Variants in CLEC18B observed in about 807,000 individuals in gnomAD.
CLEC18B encodes C-type lectin domain family 18 member B.
In CLEC18B, 5 loss-of-function variants were observed where a neutral mutation model predicts 60.4. That is an observed-to-expected ratio of 0.08 (90% CI 0.04 to 0.17). The LOEUF (loss-of-function observed/expected upper bound fraction) is 0.17. Ranked by LOEUF, CLEC18B falls within the 10% of genes least tolerant of loss-of-function variation. The probability of loss-of-function intolerance (pLI) is 1.00; values close to 1 mark genes in which losing one functional copy is unlikely to be tolerated. For synonymous variants in CLEC18B, 16 were observed against 221.2 expected, an observed-to-expected ratio of 0.07 and a Z score of 8.23; for missense variants, 26 against 572.8, an observed-to-expected ratio of 0.05 and a Z score of 9.74.
chr16:74,416,242 G>A (rs550007491), intron 3 of CLEC18B, among the ~76,000 whole-genome samples: 2 of 141,458 alleles, frequency 1.4e-5, no homozygotes, highest in African/African-American at 2.5e-5. Flanking sequence ...CAGCCTGCGC[G>A]ACAGAGCGAG....
upstream of CLEC18B, among the ~76,000 whole-genome samples, chr16:74,423,986 G>A (rs1194535185): frequency 7.9e-5 from 12 of 152,216 alleles, no homozygotes; most frequent in African/African-American, 2.9e-4. Context: ...GGGTGGGTTT[G>A]GAGAATGGGC....
At chr16:74,413,838 G>T (rs2013299951) in intron 3 of CLEC18B, among the ~76,000 whole-genome samples, 162 bp from the exon 4 acceptor site, 1 of 134,670 alleles carries the variant, frequency 7.4e-6, no homozygotes, top group African/African-American at 2.7e-5. Flanking sequence ...GGTGGGAATA[G>T]TTCAGGAAGG....
At chr16:74,414,468 C>T (rs1452200796) in intron 3 of CLEC18B, among the ~76,000 whole-genome samples, 1 of 150,282 alleles carries the variant, frequency 6.7e-6, no homozygotes, top group African/African-American at 2.5e-5. Context: ...CGATTTTGAA[C>T]CTAGGCCTTA....
At chr16:74,410,354 T>A (rs1670051668) in intron 10 of CLEC18B, among the ~76,000 whole-genome samples, 182 bp downstream of exon 10, 1 of 152,112 alleles carries the variant, frequency 6.6e-6, no homozygotes, top group Non-Finnish European at 1.5e-5. Flanking sequence ...CCTTCCGGCT[T>A]GCATCTCCCT....
At chr16:74,423,932 C>T (rs2013758866), upstream of CLEC18B, among the ~76,000 whole-genome samples, 1 of 152,218 alleles carries the variant, frequency 6.6e-6, no homozygotes, top group Admixed American at 6.6e-5. Context: ...CCATGGTACT[C>T]CCTCCTGGGT....
In CLEC18B at chr16:74,417,116, T is replaced by C. The variant is rs1198261159; in HGVS notation, c.456+943A>G. Reference sequence around the variant, plus strand: ...CCTATCTCTACTAAAAATACAAAAATTAGTGGGGTGTGGTGGCTCGTGCCT... The same window carrying C: ...CCTATCTCTACTAAAAATACAAAAACTAGTGGGGTGTGGTGGCTCGTGCCT... On this transcript the variant is annotated intron_variant, in intron 3 of 11. Transcript: ENST00000682950. Among the ~76,000 whole-genome samples, 10 of 145,688 alleles carry C rather than the reference T, an allele frequency of 6.9e-5. No individual in the cohort carries two copies. The East Asian group carries it at 2.5e-3, about 36-fold the overall frequency.
At chr16:74,422,349 G>A (rs573392975), upstream of CLEC18B, 5 of 152,424 alleles carry the variant, frequency 3.3e-5, no homozygotes, top group East Asian at 7.7e-4. Flanking sequence ...AACCAACTAC[G>A]TCCTCCTTCT....
intron 10 of CLEC18B, among the ~76,000 whole-genome samples, chr16:74,410,334 A>AT (rs1183754905): frequency 9.2e-5 from 14 of 152,204 alleles, no homozygotes; most frequent in African/African-American, 3.4e-4. Context: ...TCTCTCCCCC[A>AT]CGTGACGTGC....
upstream of CLEC18B, among the ~76,000 whole-genome samples, chr16:74,423,864 C>T (rs560410509): frequency 9.9e-3 from 1,500 of 151,566 alleles, no homozygotes; most frequent in Non-Finnish European, 0.016. Flanking sequence ...TATCCAATGG[C>T]GTAGAGCTGG....
chr16:74,416,185 C>T (rs548580522), intron 3 of CLEC18B, among the ~76,000 whole-genome samples: 1 of 149,848 alleles, frequency 6.7e-6, no homozygotes, highest in East Asian at 2.1e-4. Flanking sequence ...ATGGTGTGAA[C>T]CCAGGAGGCG....
Position 74,411,032 on chromosome 16 carries a change from C to T in CLEC18B, c.987G>A (p.Arg329=). The T allele has an allele frequency of 6.2e-7, 1 of 1,600,350 alleles. No individual in the cohort carries two copies. The highest frequency in any genetic ancestry group is 8.6e-7 in the Non-Finnish European group (1 of 1,169,472). ...TGATCTGGGCCAGCACCCCGCCTTT[C>T]CTCTGTAACCCCACCCTGGGTCACA... ...TYYRARMKCQ[R]KGGVLAQIKS... Residue 329 remains arginine, a splice_region_variant and synonymous_variant, in exon 9 of 12, where the codon AGG becomes AGA. Coordinates refer to ENST00000682950, the MANE Select transcript of CLEC18B (RefSeq NM_001385193.1).
rs372004439 is a variant in CLEC18B at position 74,412,932 on chromosome 16, G to A, written c.677-52C>T. On this transcript the variant is annotated intron_variant, in intron 5 of 11. Transcript: ENST00000682950. ...GAAAAGGGTCGCCTCCCAGCAGGCC[G>A]GGCAGGACCTCCCTGGGTGCTAAGG... 2.4e-4 allele frequency: 384 copies of A among 1,611,556 alleles called. No individual in the cohort carries two copies. In the African/African-American group the frequency reaches 3.0e-3, roughly 12 times the overall value.
In CLEC18B at chr16:74,413,494, G is replaced by A. The variant is rs1373145841; in HGVS notation, c.554+85C>T. The A allele has an allele frequency of 5.0e-6, 8 of 1,598,092 alleles. No individual in the cohort carries two copies. In the Admixed American group the frequency reaches 1.0e-4, roughly 20 times the overall value. On this transcript the variant is annotated intron_variant, in intron 4 of 11. Transcript: ENST00000682950. ...CAAGGCATCAGGGACTCTACTTTCG[G>A]GTGGATGTGTGGGAATCTCACCCTC...
chr16:74,409,581 G>A lies in CLEC18B; in HGVS notation c.1272C>T (p.Cys424=). 6.2e-7 allele frequency: 1 copy of A among 1,613,916 alleles called. No individual in the cohort carries two copies. Residue 424 remains cysteine (C), a synonymous_variant, in exon 11 of 12, where the codon TGC becomes TGT. Transcript: ENST00000682950. ...GGCAGATGTAACGGTTTCGGGTTTTGCAGCGCTGGTCGTTCCAGTTGAAGG... is the reference window on the plus strand; with the variant it reads ...GGCAGATGTAACGGTTTCGGGTTTTACAGCGCTGGTCGTTCCAGTTGAAGG... ...SAAFNWNDQR[C]KTRNRYICQF... is the part of the protein sequence containing the mutation.
At chr16:74,419,056 G>A (rs2013553854) in intron 2 of CLEC18B, among the ~76,000 whole-genome samples, 1 of 152,238 alleles carries the variant, frequency 6.6e-6, no homozygotes, top group Non-Finnish European at 1.5e-5. Context: ...CAGCCTCCCA[G>A]AGTGCTGGGA....
chr16:74,419,220 G>C (rs1429405893), intron 2 of CLEC18B, among the ~76,000 whole-genome samples: 2 of 152,394 alleles, frequency 1.3e-5, no homozygotes, highest in South Asian at 2.1e-4. Flanking sequence ...TGCAGGATAG[G>C]ACTCACAAGC....
intron 2 of CLEC18B, among the ~76,000 whole-genome samples, chr16:74,418,912 G>A (rs2013547601): frequency 6.6e-6 from 1 of 151,894 alleles, no homozygotes; most frequent in Non-Finnish European, 1.5e-5. Context: ...TCCTGCCTCA[G>A]CCTCCCAAGC....
chr16:74,411,922 T>C, intron 7 of CLEC18B, 147 bp from the exon 8 acceptor site: 5 of 1,183,624 alleles, frequency 4.2e-6, no homozygotes, highest in Non-Finnish European at 6.2e-6. Flanking sequence ...AGCTGGTCAG[T>C]TGGAATATTG....
chr16:74,417,212 C>A (rs1446687700), intron 3 of CLEC18B, among the ~76,000 whole-genome samples: 2 of 148,094 alleles, frequency 1.4e-5, no homozygotes. Flanking sequence ...TTCTAGTGAA[C>A]CGAGATCAAG....
Sources: gnomAD v4.1 joint callset for allele counts (sites outside exome capture counted in the v4.1 genomes callset) on GRCh38, gnomAD v4.1.1 for gene constraint, MANE v1.5 for transcripts, NCBI Gene and HGNC (gene_info 2026-07-23, HGNC 2026-07-21) for gene names.